The following EPHB1 variants were observed in gnomAD, a reference collection of about 807,000 sequenced individuals.
EPHB1 encodes EPH receptor B1.
In EPHB1, 30 loss-of-function variants were observed where a neutral mutation model predicts 94.4. That is an observed-to-expected ratio of 0.32 (90% CI 0.24 to 0.43). EPHB1 has a LOEUF of 0.43. Ranked by LOEUF, EPHB1 falls within the 20% of genes least tolerant of loss-of-function variation. The pLI is 1.00. For synonymous variants in EPHB1, 522 were observed against 489.1 expected (o/e 1.07, Z -0.89); for missense variants, 1,055 against 1,308.3 (o/e 0.81, Z 2.99).
chr3:135,197,675 C>A (rs545647221), intron 11 of EPHB1, among the ~76,000 whole-genome samples: 69 of 152,292 alleles, frequency 4.5e-4, no homozygotes, highest in African/African-American at 1.6e-3. Context: ...TGCAGAAAAG[C>A]AATTTCAGCA....
intron 1 of EPHB1, among the ~76,000 whole-genome samples, chr3:134,904,121 G>C (rs983548478): frequency 3.9e-5 from 6 of 152,174 alleles, no homozygotes; most frequent in African/African-American, 1.4e-4. Context: ...TGGAAAGGAG[G>C]CTGGCTCCAG....
chr3:134,829,166 A>G (rs1018387396), intron 1 of EPHB1, among the ~76,000 whole-genome samples: 2 of 152,278 alleles, frequency 1.3e-5, no homozygotes, highest in African/African-American at 4.8e-5. Flanking sequence ...TCTGTGAGAC[A>G]CACAATTATT....
In EPHB1 at chr3:135,247,844, T is replaced by TCTC. The variant is rs762409786; in HGVS notation, c.2497-471_2497-469dup. ...TCAATGCTAATCCCTTTCCTCCCTT[T>TCTC]CTCTTCTCTTCCAAATGAAAGAATG... On this transcript the variant is annotated intron_variant, in intron 13 of 15. Coordinates refer to ENST00000398015, the MANE Select transcript of EPHB1 (RefSeq NM_004441.5). Among the ~76,000 whole-genome samples the TCTC allele has an allele frequency of 1.2e-4, 19 of 152,310 alleles. No individual in the cohort carries two copies. The East Asian group carries it at 3.5e-3, about 28-fold the overall frequency.
intron 10 of EPHB1, among the ~76,000 whole-genome samples, chr3:135,186,424 T>A (rs1353648250): frequency 6.6e-6 from 1 of 152,244 alleles, no homozygotes; most frequent in Admixed American, 6.5e-5. Flanking sequence ...AACTCATTTA[T>A]CTTGCACAAG....
intron 7 of EPHB1, 38 bp from the exon 8 acceptor site, chr3:135,165,930 G>A: frequency 6.7e-7 from 1 of 1,498,080 alleles, no homozygotes; most frequent in South Asian, 1.1e-5. Context: ...TATGCAAAAG[G>A]CACATGGGGA....
intron 10 of EPHB1, among the ~76,000 whole-genome samples, chr3:135,182,693 TTATGAGGCG>T (rs1444402242): frequency 6.9e-6 from 1 of 145,108 alleles, no homozygotes; most frequent in African/African-American, 2.5e-5. Flanking sequence ...AAGTAAGTTT[TTATGAGGCG>T]TATGAGAGAA....
chr3:134,879,996 A>G (rs907610580), intron 1 of EPHB1, among the ~76,000 whole-genome samples: 1 of 152,242 alleles, frequency 6.6e-6, no homozygotes, highest in African/African-American at 2.4e-5. Flanking sequence ...CCTGGGCTCC[A>G]GTTGTTTTAT....
rs56100882 is a variant in EPHB1 at position 135,114,537 on chromosome 3, TA to T, written c.961+7963del. On this transcript the variant is annotated intron_variant, in intron 4 of 15. Transcript: ENST00000398015. ...CAATATGGTGAAACCCTGTCTCTAC[TA>T]AAAAAAAAAAAAAAAAAAAAAAAAA... Among the ~76,000 whole-genome samples, 267 of 37,204 alleles carry T rather than the reference TA, an allele frequency of 7.2e-3. 1 individual carries two copies. The highest frequency in any genetic ancestry group is 0.062 in the East Asian group (67 of 1,076). 24.4% of individuals were successfully genotyped at this position (37,204 alleles called of 152,430 possible).
intron 1 of EPHB1, among the ~76,000 whole-genome samples, chr3:134,924,009 A>T (rs2038740790): frequency 6.6e-6 from 1 of 152,212 alleles, no homozygotes; most frequent in Non-Finnish European, 1.5e-5. Flanking sequence ...GCAGGGGACT[A>T]GGACACCATC....
intron 1 of EPHB1, among the ~76,000 whole-genome samples, chr3:134,813,553 T>C (rs1304432328): frequency 1.3e-5 from 2 of 152,176 alleles, no homozygotes; most frequent in African/African-American, 4.8e-5. Context: ...CCCTGGACTC[T>C]CAGGACTGGG....
intron 15 of EPHB1, among the ~76,000 whole-genome samples, chr3:135,253,004 T>C (rs577126554): frequency 6.6e-6 from 1 of 150,636 alleles, no homozygotes; most frequent in African/African-American, 2.4e-5. Flanking sequence ...TTTGGCTGCA[T>C]AAATGTCTTC....
chr3:135,123,974 T>C (rs1256520599), intron 4 of EPHB1, among the ~76,000 whole-genome samples: 1 of 151,612 alleles, frequency 6.6e-6, no homozygotes, highest in Non-Finnish European at 1.5e-5. Flanking sequence ...ATTTCTCTGC[T>C]CAGAGCCCTC....
chr3:135,119,626 A>G (rs1056387206), intron 4 of EPHB1, among the ~76,000 whole-genome samples: 1 of 151,774 alleles, frequency 6.6e-6, no homozygotes, highest in Non-Finnish European at 1.5e-5. Flanking sequence ...TAATTTTTGT[A>G]TTTTTAGTAG....
intron 3 of EPHB1, among the ~76,000 whole-genome samples, chr3:135,065,375 T>C (rs1443634665): frequency 6.6e-6 from 1 of 152,198 alleles, no homozygotes; most frequent in Non-Finnish European, 1.5e-5. Context: ...TTTTATAAAT[T>C]TGGAAGCTCC....
chr3:134,801,404 G>A (rs1393403514), intron 1 of EPHB1, among the ~76,000 whole-genome samples: 3 of 152,326 alleles, frequency 2.0e-5, no homozygotes, highest in African/African-American at 7.2e-5. Context: ...GGACCCCTAT[G>A]TGTTCTGGGG....
At chr3:134,937,843 C>T (rs1428243231) in intron 2 of EPHB1, among the ~76,000 whole-genome samples, 1 of 151,694 alleles carries the variant, frequency 6.6e-6, no homozygotes, top group African/African-American at 2.4e-5. Context: ...ATGTGTGAGG[C>T]ACTGCAATAA....
intron 3 of EPHB1, among the ~76,000 whole-genome samples, chr3:135,044,592 C>G (rs1001962362): frequency 1.3e-5 from 2 of 152,134 alleles, no homozygotes; most frequent in African/African-American, 4.8e-5. Context: ...TCTTAGTTTC[C>G]TGGCCTTAAA....
chr3:135,230,051 T>C (rs1576485339), intron 12 of EPHB1, among the ~76,000 whole-genome samples: 1 of 152,042 alleles, frequency 6.6e-6, no homozygotes, highest in East Asian at 1.9e-4. Flanking sequence ...AGGATGAGCC[T>C]GGGGCTGAGG....
chr3:134,881,349 G>T (rs765003157), intron 1 of EPHB1, among the ~76,000 whole-genome samples: 2 of 152,108 alleles, frequency 1.3e-5, no homozygotes, highest in Non-Finnish European at 2.9e-5. Flanking sequence ...AAGACATGCA[G>T]GTATGTGCAA....
Sources: allele counts gnomAD v4.1 joint callset (sites outside exome capture counted in the v4.1 genomes callset), GRCh38; gene constraint gnomAD v4.1.1; transcripts MANE v1.5; gene names NCBI Gene and HGNC (gene_info 2026-07-23, HGNC 2026-07-21).